AP2A2: variants seen among roughly 807,000 people sequenced by gnomAD.
The protein encoded by AP2A2 is adaptor related protein complex 2 subunit alpha 2.
AP2A2 carries 32 observed loss-of-function variants against 104.2 expected under a neutral mutation model. The ratio of observed to expected loss-of-function variants is 0.31; its 90% CI spans 0.23 to 0.41. AP2A2 has a LOEUF of 0.41. Ranked by LOEUF, AP2A2 falls within the 10% of genes least tolerant of loss-of-function variation. AP2A2 has a pLI of 1.00. For synonymous variants in AP2A2, 539 were observed against 533.3 expected, an observed-to-expected ratio of 1.01 and a Z score of -0.15; for missense variants, 912 against 1,261.0, an observed-to-expected ratio of 0.72 and a Z score of 4.19.
At chr11:959,335 G>A (rs1036573254) in intron 1 of AP2A2, 102 bp from the exon 2 acceptor site, 43 of 794,120 alleles carry the variant, frequency 5.4e-5, no homozygotes, top group Admixed American at 4.5e-4. Context: ...TTGAAACGGG[G>A]CCTCATCCCA....
chr11:971,558 C>T (rs1270719302), intron 3 of AP2A2, among the ~76,000 whole-genome samples: 2 of 151,816 alleles, frequency 1.3e-5, no homozygotes, highest in Non-Finnish European at 2.9e-5. Context: ...GGCAGTGACA[C>T]AGGACTGGGG....
intron 1 of AP2A2, among the ~76,000 whole-genome samples, chr11:957,954 G>T (rs1469040836): frequency 6.6e-6 from 1 of 152,234 alleles, no homozygotes; most frequent in African/African-American, 2.4e-5. Flanking sequence ...GTGCTCAGTG[G>T]ATATTTACGG....
At chr11:955,546 G>A (rs1854207261) in intron 1 of AP2A2, among the ~76,000 whole-genome samples, 1 of 152,128 alleles carries the variant, frequency 6.6e-6, no homozygotes, top group South Asian at 2.1e-4. Context: ...TGGGACAGGA[G>A]GTTTGGGTGT....
Position 984,755 on chromosome 11 carries a change from T to C in AP2A2, c.814+2T>C. 1 of 1,603,504 alleles carries C rather than the reference T, an allele frequency of 6.2e-7. No individual in the cohort carries two copies. The highest frequency in any genetic ancestry group is 8.5e-7 in the Non-Finnish European group (1 of 1,171,980). On this transcript the variant is annotated splice_donor_variant, in intron 7 of 21. Coordinates refer to ENST00000448903, the MANE Select transcript of AP2A2 (RefSeq NM_012305.4). LOFTEE classifies it high-confidence loss of function. ...TGCTGCAGTGCTACCCACCCCCAGG[T>C]AACGCGCAGGCCGCGGCTCCTGAAG...
intron 5 of AP2A2, among the ~76,000 whole-genome samples, chr11:980,681 A>G (rs967409835): frequency 5.3e-5 from 8 of 152,336 alleles, no homozygotes; most frequent in Admixed American, 1.3e-4. Context: ...CATCCAGCCT[A>G]TGGTGGTTGA....
At chr11:964,187 C>A (rs1165679279) in intron 2 of AP2A2, among the ~76,000 whole-genome samples, 1 of 152,266 alleles carries the variant, frequency 6.6e-6, no homozygotes, top group African/African-American at 2.4e-5. Context: ...GGTGTCTTGA[C>A]ATGGGGGTGC....
At chr11:929,232 C>G (rs1853212315) in intron 1 of AP2A2, among the ~76,000 whole-genome samples, 1 of 152,186 alleles carries the variant, frequency 6.6e-6, no homozygotes, top group South Asian at 2.1e-4. Flanking sequence ...TTCCCCTTTC[C>G]CTGGCCAGCT....
chr11:985,705 C>G, intron 8 of AP2A2, 123 bp downstream of exon 8: 3 of 1,359,958 alleles, frequency 2.2e-6, no homozygotes, highest in Non-Finnish European at 2.0e-6. Flanking sequence ...TTCGTCCTGC[C>G]TCTGTGCTCC....
At chr11:940,815 G>A (rs550748066) in intron 1 of AP2A2, 21 of 456,306 alleles carry the variant, frequency 4.6e-5, no homozygotes, top group African/African-American at 2.8e-4. Context: ...AGGGGCCTTC[G>A]CTGCAGGGTG....
Position 1,010,983 on chromosome 11 carries a change from C to T in AP2A2, c.*358C>T, listed in dbSNP as rs778874424. ...AGATGGCCCGTGCTGCCGCCCACCC[C>T]GCCTCGGAGCCTCTGGGAGCAGCAG... On this transcript the variant is annotated 3_prime_UTR_variant, in exon 22 of 22. Coordinates refer to ENST00000448903, the MANE Select transcript of AP2A2 (RefSeq NM_012305.4). The T allele has an allele frequency of 8.2e-5, 58 of 710,036 alleles. 1 individual carries two copies. Among genetic ancestry groups the T allele is most frequent in the South Asian group, 2.8e-4 (20 of 71,930 alleles). The allele number at this position is 710,036 out of a possible 1,614,324, so 44.0% of individuals were successfully genotyped here. A position where few individuals can be genotyped will look rare whatever the true frequency, so the allele number is the denominator to read the frequency against.
intron 4 of AP2A2, 135 bp from the exon 5 acceptor site, chr11:976,960 A>G: frequency 3.3e-6 from 4 of 1,213,170 alleles, no homozygotes; most frequent in Non-Finnish European, 4.6e-6. Context: ...CGGCCTCGGC[A>G]GGCGGCCCTG....
chr11:930,799 C>A (rs1042474189), intron 1 of AP2A2, among the ~76,000 whole-genome samples: 1 of 152,208 alleles, frequency 6.6e-6, no homozygotes, highest in Non-Finnish European at 1.5e-5. Context: ...GGATTACAGG[C>A]GTGAGCCACT....
chr11:968,445 T>C lies in AP2A2; in HGVS notation c.137-1724T>C, dbSNP rs55868889. Among the ~76,000 whole-genome samples, 1 of 43,744 alleles carries C rather than the reference T, an allele frequency of 2.3e-5. No individual in the cohort carries two copies. Among genetic ancestry groups the C allele is most frequent in the South Asian group, 4.3e-4 (1 of 2,304 alleles). The allele number at this position is 43,744 out of a possible 152,430, so 28.7% of individuals were successfully genotyped here. A position where few individuals can be genotyped will look rare whatever the true frequency, so the allele number is the denominator to read the frequency against. On this transcript the variant is annotated intron_variant, in intron 2 of 21. Coordinates refer to ENST00000448903, the MANE Select transcript of AP2A2 (RefSeq NM_012305.4). This position sits in a 1 kb window ranked among gnomAD's most constrained non-coding sequence, Gnocchi z 4.2. ...CTCCGCCCCTGTTCCCATCCCCGTC[T>C]CCATCCCCGTCCCCATCCCTGTCCC... is the stretch of plus-strand genomic sequence containing the variant.
At chr11:926,849 G>A (rs577558540) in intron 1 of AP2A2, among the ~76,000 whole-genome samples, 138 of 152,228 alleles carry the variant, frequency 9.1e-4, no homozygotes, top group Non-Finnish European at 1.7e-3. Context: ...ACACCAAACC[G>A]TTAAACAAGC....
chr11:997,722 TG>T (rs1855898693), intron 14 of AP2A2, among the ~76,000 whole-genome samples: 1 of 152,014 alleles, frequency 6.6e-6, no homozygotes, highest in South Asian at 2.1e-4. Context: ...CTGGCCAACA[TG>T]GTGAAACCCC....
At chr11:927,128 TC>T (rs1853145737) in intron 1 of AP2A2, among the ~76,000 whole-genome samples, 2 of 152,108 alleles carry the variant, frequency 1.3e-5, no homozygotes, top group African/African-American at 4.8e-5. Flanking sequence ...GCGCAGTAGT[TC>T]CATCACGGCG....
rs774600090 is a variant in AP2A2, at chr11:1,011,475, A to G, written c.*850A>G. 1.6e-5 allele frequency: 8 copies of G among 498,334 alleles called. No individual in the cohort carries two copies. The highest frequency in any genetic ancestry group is 1.6e-4 in the African/African-American group (8 of 51,576). The allele number at this position is 498,334 out of a possible 1,614,324, so 30.9% of individuals were successfully genotyped here. On this transcript the variant is annotated 3_prime_UTR_variant, in exon 22 of 22. Transcript: ENST00000448903. ...ACCGGCCCCGTCCAGTCGTCCCTGG[A>G]GGGGCTGTGGAGGAGGGACGCCTCT... is the stretch of plus-strand genomic sequence containing the variant.
At chr11:998,300 C>T (rs1251682141) in intron 14 of AP2A2, among the ~76,000 whole-genome samples, 2 of 144,454 alleles carry the variant, frequency 1.4e-5, no homozygotes, top group African/African-American at 5.4e-5. Flanking sequence ...TCTGACTGCC[C>T]CCCAATCCCC....
chr11:980,729 A>G (rs1855209950), intron 5 of AP2A2, among the ~76,000 whole-genome samples: 1 of 152,270 alleles, frequency 6.6e-6, no homozygotes. Flanking sequence ...GGAGAATGGA[A>G]AAGGACTTCT....
Sources: gnomAD v4.1 joint callset for allele counts (sites outside exome capture counted in the v4.1 genomes callset) on GRCh38, gnomAD v4.1.1 for gene constraint, Gnocchi (gnomAD v3.1) non-coding constraint, MANE v1.5 for transcripts, NCBI Gene and HGNC (gene_info 2026-07-23, HGNC 2026-07-21) for gene names.